Variants in QTMAN observed in about 807,000 individuals in gnomAD.
The protein encoded by QTMAN is queuosine-tRNA mannosyltransferase, also known as tRNA-queuosine alpha-mannosyltransferase.
chr2:144,142,393 T>A, the QTMAN span, among the ~76,000 whole-genome samples: 6 of 151,972 alleles, frequency 3.9e-5, no homozygotes, highest in African/African-American at 1.4e-4. Context: ...CAGCAATTCC[T>A]TTTTCTTCGT....
chr2:144,197,936 C>A, the QTMAN span, among the ~76,000 whole-genome samples: 2 of 152,068 alleles, frequency 1.3e-5, no homozygotes, highest in African/African-American at 4.8e-5. Flanking sequence ...TATTTAAATC[C>A]CAGCAATGGG....
chr2:144,092,524 A>G, the QTMAN span, among the ~76,000 whole-genome samples: 1 of 152,196 alleles, frequency 6.6e-6, no homozygotes, highest in Non-Finnish European at 1.5e-5. Context: ...TTACCTCAAT[A>G]AAGCTGTTAA....
chr2:144,217,902 TA>T, the QTMAN span, among the ~76,000 whole-genome samples: 1 of 152,228 alleles, frequency 6.6e-6, no homozygotes, highest in Non-Finnish European at 1.5e-5. Flanking sequence ...CAATCTGTAG[TA>T]TTTCTGTGTA....
the QTMAN span, among the ~76,000 whole-genome samples, chr2:144,168,215 T>C: frequency 2.6e-5 from 4 of 152,200 alleles, no homozygotes; most frequent in Non-Finnish European, 5.9e-5. Context: ...AGTCTACTTA[T>C]TTCATCATCT....
the QTMAN span, among the ~76,000 whole-genome samples, chr2:144,115,292 C>T: frequency 6.6e-6 from 1 of 152,136 alleles, no homozygotes; most frequent in Non-Finnish European, 1.5e-5. Flanking sequence ...GTGGTTGTCT[C>T]TTTCTTAGTG....
chr2:144,215,732 G>T, the QTMAN span, among the ~76,000 whole-genome samples: 1 of 152,152 alleles, frequency 6.6e-6, no homozygotes, highest in East Asian at 1.9e-4. Context: ...AAATGTGGCA[G>T]CATATTTATG....
At chr2:144,284,099 C>A in the QTMAN span, among the ~76,000 whole-genome samples, 2 of 151,938 alleles carry the variant, frequency 1.3e-5, no homozygotes, top group Non-Finnish European at 2.9e-5. Context: ...AATTAGGCAA[C>A]TTTGTTTACA....
chr2:144,268,841 G>A, the QTMAN span, among the ~76,000 whole-genome samples: 1 of 152,080 alleles, frequency 6.6e-6, no homozygotes, highest in Non-Finnish European at 1.5e-5. Flanking sequence ...CCAGGCTGGA[G>A]TGCAATGGCA....
chr2:144,038,014 C>A, the QTMAN span, among the ~76,000 whole-genome samples: 1 of 152,188 alleles, frequency 6.6e-6, no homozygotes, highest in Non-Finnish European at 1.5e-5. Flanking sequence ...ATCAAAATAT[C>A]AATCTCTCTG....
the QTMAN span, among the ~76,000 whole-genome samples, chr2:144,042,495 C>T: frequency 6.6e-6 from 1 of 152,102 alleles, no homozygotes; most frequent in South Asian, 2.1e-4. Context: ...GTGGTTCACA[C>T]CTATAATCCC....
At chr2:143,991,297 T>G in the QTMAN span, among the ~76,000 whole-genome samples, 28 of 152,142 alleles carry the variant, frequency 1.8e-4, no homozygotes, top group African/African-American at 6.5e-4. Context: ...TTCTAAACAT[T>G]ATCACAGTGA....
At chr2:144,296,420 G>A in the QTMAN span, among the ~76,000 whole-genome samples, 2 of 152,172 alleles carry the variant, frequency 1.3e-5, no homozygotes, top group Middle Eastern at 3.4e-3. Flanking sequence ...ATTTAGTGTA[G>A]TATTTTATTG....
chr2:144,228,434 T>G, the QTMAN span, among the ~76,000 whole-genome samples: 1 of 152,190 alleles, frequency 6.6e-6, no homozygotes, highest in Non-Finnish European at 1.5e-5. Flanking sequence ...ATTACAAGAT[T>G]TTTATTTTAA....
the QTMAN span, among the ~76,000 whole-genome samples, chr2:144,109,577 A>C: frequency 6.6e-6 from 1 of 152,230 alleles, no homozygotes; most frequent in African/African-American, 2.4e-5. Flanking sequence ...GCTTCTGCAC[A>C]GCAAAAGAAA....
At chr2:144,003,834 G>A in the QTMAN span, among the ~76,000 whole-genome samples, 1 of 151,948 alleles carries the variant, frequency 6.6e-6, no homozygotes, top group Non-Finnish European at 1.5e-5. Flanking sequence ...ATATGTTAGA[G>A]GCTGACACTA....
the QTMAN span, chr2:144,208,852 T>G: frequency 9.5e-7 from 1 of 1,051,604 alleles, no homozygotes; most frequent in East Asian, 2.7e-5. Context: ...CATACATGTA[T>G]AAAATTTTTA....
the QTMAN span, among the ~76,000 whole-genome samples, chr2:144,068,524 A>G: frequency 6.6e-6 from 1 of 152,224 alleles, no homozygotes; most frequent in Non-Finnish European, 1.5e-5. Context: ...AAAATTACAA[A>G]ACCAATTTTA....
the QTMAN span, among the ~76,000 whole-genome samples, chr2:144,301,996 CTCAG>C: frequency 1.3e-5 from 2 of 152,162 alleles, no homozygotes; most frequent in Non-Finnish European, 2.9e-5. Context: ...AAATAGACTG[CTCAG>C]TCAGTGAAAG....
the QTMAN span, among the ~76,000 whole-genome samples, chr2:144,138,460 T>A: frequency 6.6e-6 from 1 of 152,032 alleles, no homozygotes; most frequent in Non-Finnish European, 1.5e-5. Flanking sequence ...TTTTTTATGT[T>A]AATAGAAATA....
Sources: allele counts gnomAD v4.1 joint callset (sites outside exome capture counted in the v4.1 genomes callset), GRCh38; gene constraint gnomAD v4.1.1; transcripts MANE v1.5; gene names NCBI Gene and HGNC (gene_info 2026-07-23, HGNC 2026-07-21).